The following FAT3 variants were observed in gnomAD, a reference collection of about 807,000 sequenced individuals.
The protein encoded by FAT3 is FAT atypical cadherin 3.
In FAT3, 95 loss-of-function variants were observed where a neutral mutation model predicts 310.2. The ratio of observed to expected loss-of-function variants is 0.31; its 90% CI spans 0.26 to 0.36. FAT3 has a LOEUF of 0.36. Among genes scored for constraint, FAT3 ranks in the 10% least tolerant of loss-of-function variants. The pLI is 1.00. For missense variants in FAT3, 5,408 were observed against 5,715.6 expected, an observed-to-expected ratio of 0.95 and a Z score of 1.74; for synonymous variants, 2,314 against 2,192.9, an observed-to-expected ratio of 1.06 and a Z score of -1.54.
intron 4 of FAT3, among the ~76,000 whole-genome samples, chr11:92,711,428 G>C (rs1320489900): frequency 2.0e-5 from 3 of 152,108 alleles, no homozygotes; most frequent in Non-Finnish European, 4.4e-5. Context: ...CAGCCCCCCA[G>C]GAGGCCCTAG....
chr11:92,713,645 A>G (rs1944592418), intron 4 of FAT3, among the ~76,000 whole-genome samples: 1 of 152,178 alleles, frequency 6.6e-6, no homozygotes, highest in African/African-American at 2.4e-5. Flanking sequence ...TTAACTTTCA[A>G]TAGTTTTCAG....
Position 92,635,331 on chromosome 11 carries a change from C to T in FAT3, c.3608-62053C>T, listed in dbSNP as rs570337487. Among the ~76,000 whole-genome samples, 5 of 152,100 alleles carry T rather than the reference C, an allele frequency of 3.3e-5. 1 individual carries two copies. Among genetic ancestry groups the T allele is most frequent in the Middle Eastern group, 6.8e-3 (2 of 294 alleles). The stretch of plus-strand genomic sequence containing the variant: ...TTTTTGTGTTACTGATATGGAGAAA[C>T]CCATTTCATAGAAGAGTTTGTTGAA... On this transcript the variant is annotated intron_variant, in intron 3 of 27. Coordinates refer to ENST00000525166, the MANE Select transcript of FAT3 (RefSeq NM_001367949.2).
At chr11:92,810,712 C>T (rs1411559801) in intron 13 of FAT3, among the ~76,000 whole-genome samples, 1 of 152,092 alleles carries the variant, frequency 6.6e-6, no homozygotes, top group Admixed American at 6.5e-5. Context: ...CTCAGATCCA[C>T]TTTACATAAT....
At chr11:92,272,144 T>C (rs1946138383) in intron 1 of FAT3, among the ~76,000 whole-genome samples, 1 of 152,084 alleles carries the variant, frequency 6.6e-6, no homozygotes, top group Non-Finnish European at 1.5e-5. Flanking sequence ...TCTGCACACA[T>C]CAGATGGAGA....
rs191660908 is a variant in FAT3, at chr11:92,809,754, A to C, written c.9248-89A>C. On this transcript the variant is annotated intron_variant, in intron 12 of 27. Transcript: ENST00000525166. ...AATGATGTTAGTCCTTCCTATGTTG[A>C]GAATTGTTTGTATAATTGGTCCTCT... 3 of 961,806 alleles carry C rather than the reference A, an allele frequency of 3.1e-6. No individual in the cohort carries two copies. In the East Asian group the frequency reaches 7.6e-5, roughly 24 times the overall value. The allele number at this position is 961,806 out of a possible 1,614,324, so 59.6% of individuals were successfully genotyped here. A position where few individuals can be genotyped will look rare whatever the true frequency, so the allele number is the denominator to read the frequency against.
At chr11:92,291,080 TACACACACACACACACACAC>T (rs141883138) in intron 1 of FAT3, among the ~76,000 whole-genome samples, 16 of 142,796 alleles carry the variant, frequency 1.1e-4, no homozygotes, top group African/African-American at 4.2e-4. Flanking sequence ...CTTTTTATTC[TACACACACACACACACACAC>T]ACACACACAC....
At chr11:92,644,337 G>A (rs1291992347) in intron 3 of FAT3, among the ~76,000 whole-genome samples, 1 of 152,246 alleles carries the variant, frequency 6.6e-6, no homozygotes, top group East Asian at 1.9e-4. Context: ...TTTGACCCCT[G>A]GATCAGTAAT....
At chr11:92,369,316 T>C (rs2134708719) in intron 2 of FAT3, among the ~76,000 whole-genome samples, 1 of 152,304 alleles carries the variant, frequency 6.6e-6, no homozygotes, top group Admixed American at 6.5e-5. Flanking sequence ...AAGTCTTTAA[T>C]GTTATTGCAG....
chr11:92,233,460 G>A (rs1446199371), intron 1 of FAT3, among the ~76,000 whole-genome samples: 1 of 152,106 alleles, frequency 6.6e-6, no homozygotes, highest in Non-Finnish European at 1.5e-5. Flanking sequence ...TATACTAAGA[G>A]TGCTACTATT....
intron 2 of FAT3, among the ~76,000 whole-genome samples, chr11:92,452,678 T>C (rs765043001): frequency 6.6e-6 from 1 of 152,192 alleles, no homozygotes. Flanking sequence ...CACTCTTCGA[T>C]AGAAAAGACT....
At chr11:92,592,734 TTGA>T (rs1157194850) in intron 3 of FAT3, among the ~76,000 whole-genome samples, 5 of 152,180 alleles carry the variant, frequency 3.3e-5, no homozygotes, top group African/African-American at 9.7e-5. Flanking sequence ...TAATGGATAG[TTGA>T]TGATATTAAG....
At position 92,457,288 on chromosome 11, in the gene FAT3, G is replaced by A. The variant is rs577662728; in HGVS notation, c.3293-67346G>A. Among the ~76,000 whole-genome samples the A allele has an allele frequency of 2.0e-3, 305 of 152,238 alleles. 1 individual carries two copies. Among genetic ancestry groups the A allele is most frequent in the Non-Finnish European group, 1.6e-3 (111 of 68,024 alleles). Reference sequence around the variant, plus strand: ...AACCTCCCTGAAGCAGATGTTTTGGGTAATAAGTAAAAATGAATAGGCAGA... The same window carrying A: ...AACCTCCCTGAAGCAGATGTTTTGGATAATAAGTAAAAATGAATAGGCAGA... On this transcript the variant is annotated intron_variant, in intron 2 of 27. Transcript: ENST00000525166.
chr11:92,540,674 T>C (rs1352488570), intron 3 of FAT3, among the ~76,000 whole-genome samples: 1 of 152,192 alleles, frequency 6.6e-6, no homozygotes, highest in African/African-American at 2.4e-5. Flanking sequence ...GTTGTTCATA[T>C]ACCTTCAAAG....
chr11:92,599,488 G>A (rs563349850), intron 3 of FAT3, among the ~76,000 whole-genome samples: 1 of 152,210 alleles, frequency 6.6e-6, no homozygotes, highest in East Asian at 1.9e-4. Context: ...CATTTAGGCA[G>A]AGACACAGCC....
At chr11:92,823,407 G>A (rs1393957712) in intron 13 of FAT3, among the ~76,000 whole-genome samples, 1 of 152,140 alleles carries the variant, frequency 6.6e-6, no homozygotes, top group Non-Finnish European at 1.5e-5. Context: ...ATCACAGAAG[G>A]TATAACTATA....
At chr11:92,238,775 G>T (rs1483221472) in intron 1 of FAT3, among the ~76,000 whole-genome samples, 2 of 151,960 alleles carry the variant, frequency 1.3e-5, no homozygotes, top group Non-Finnish European at 2.9e-5. Flanking sequence ...CCATAGAGAT[G>T]ATAAAGTTTA....
intron 1 of FAT3, among the ~76,000 whole-genome samples, chr11:92,349,298 C>A (rs748371800): frequency 6.6e-6 from 1 of 152,140 alleles, no homozygotes; most frequent in Non-Finnish European, 1.5e-5. Context: ...CTTACTTTAC[C>A]GTGTTCACAT....
At chr11:92,586,583 C>G (rs1463978806) in intron 3 of FAT3, among the ~76,000 whole-genome samples, 1 of 151,914 alleles carries the variant, frequency 6.6e-6, no homozygotes, top group Non-Finnish European at 1.5e-5. Context: ...CTAGAAGAAA[C>G]AAATAATAAT....
At chr11:92,604,886 G>A (rs1184185051) in intron 3 of FAT3, among the ~76,000 whole-genome samples, 1 of 152,202 alleles carries the variant, frequency 6.6e-6, no homozygotes, top group South Asian at 2.1e-4. Flanking sequence ...TTAGCTAAGT[G>A]CCCATGAACA....
Sources: gnomAD v4.1 joint callset for allele counts (sites outside exome capture counted in the v4.1 genomes callset) on GRCh38, gnomAD v4.1.1 for gene constraint, MANE v1.5 for transcripts, NCBI Gene and HGNC (gene_info 2026-07-23, HGNC 2026-07-21) for gene names.